Variants in TCF7L2 observed in about 807,000 individuals in gnomAD.
TCF7L2 encodes transcription factor 7 like 2.
TCF7L2 carries 23 observed loss-of-function variants against 77.9 expected under a neutral mutation model. That is an observed-to-expected ratio of 0.30 (90% CI 0.21 to 0.42). The LOEUF is 0.42. TCF7L2 is among the 10% of genes least tolerant of loss of function. TCF7L2 has a pLI of 1.00. For missense variants in TCF7L2, 654 were observed against 793.1 expected (o/e 0.82, Z 2.11); for synonymous variants, 413 against 340.2 (o/e 1.21, Z -2.36).
At chr10:113,128,140 G>C (rs544688532) in intron 5 of TCF7L2, among the ~76,000 whole-genome samples, 1 of 152,216 alleles carries the variant, frequency 6.6e-6, no homozygotes, top group Non-Finnish European at 1.5e-5. Flanking sequence ...TGTCAAAGTG[G>C]AGGCTCATTG....
intron 5 of TCF7L2, among the ~76,000 whole-genome samples, chr10:113,087,602 G>A (rs1204307569): frequency 6.6e-6 from 1 of 152,144 alleles, no homozygotes; most frequent in Non-Finnish European, 1.5e-5. Flanking sequence ...ATGCAGAGTG[G>A]GAGGCTCTGC....
At chr10:112,978,807 A>G (rs1280700628) in intron 4 of TCF7L2, among the ~76,000 whole-genome samples, 1 of 151,870 alleles carries the variant, frequency 6.6e-6, no homozygotes, top group Non-Finnish European at 1.5e-5. Flanking sequence ...ATAATAATAT[A>G]TGATTCCACT....
intron 8 of TCF7L2, among the ~76,000 whole-genome samples, chr10:113,147,090 T>A (rs1309109024): frequency 6.6e-6 from 1 of 152,240 alleles, no homozygotes; most frequent in East Asian, 1.9e-4. Flanking sequence ...AGTCGCTAAT[T>A]GTTTCTAATG....
intron 13 of TCF7L2, among the ~76,000 whole-genome samples, chr10:113,161,886 G>A (rs2073220684): frequency 6.6e-6 from 1 of 152,176 alleles, no homozygotes; most frequent in African/African-American, 2.4e-5. Context: ...CCCTCTGCCT[G>A]TGGAATGAGG....
intron 5 of TCF7L2, chr10:113,126,994 C>T (rs1306646770): frequency 1.1e-5 from 10 of 910,256 alleles, no homozygotes; most frequent in Non-Finnish European, 1.2e-5. Flanking sequence ...TGCATGCTCT[C>T]AGCCTTTGCC....
intron 4 of TCF7L2, among the ~76,000 whole-genome samples, chr10:112,992,705 G>A (rs1404692937): frequency 2.0e-5 from 3 of 151,980 alleles, no homozygotes; most frequent in African/African-American, 7.2e-5. Flanking sequence ...CTGAGGACTG[G>A]ACCTCCAAGC....
chr10:113,075,535 A>G (rs2058599964), intron 5 of TCF7L2, among the ~76,000 whole-genome samples: 1 of 152,092 alleles, frequency 6.6e-6, no homozygotes. Context: ...ATTTTTTTTA[A>G]TGTTGCCAAT....
intron 8 of TCF7L2, among the ~76,000 whole-genome samples, chr10:113,147,738 T>G (rs1229791652): frequency 6.6e-6 from 1 of 152,116 alleles, no homozygotes; most frequent in Non-Finnish European, 1.5e-5. Context: ...ATTTTTCATG[T>G]TTGTTTATTT....
chr10:113,045,755 T>C (rs1198476131), intron 5 of TCF7L2, among the ~76,000 whole-genome samples: 1 of 152,234 alleles, frequency 6.6e-6, no homozygotes, highest in Non-Finnish European at 1.5e-5. Flanking sequence ...CTTTCTCTAC[T>C]GCATATATAC....
At chr10:112,969,390 T>C (rs2037730581) in intron 4 of TCF7L2, among the ~76,000 whole-genome samples, 1 of 152,234 alleles carries the variant, frequency 6.6e-6, no homozygotes, top group Non-Finnish European at 1.5e-5. Context: ...TCCTACGTTG[T>C]TGGATATTTG....
intron 5 of TCF7L2, among the ~76,000 whole-genome samples, chr10:113,073,843 T>G (rs2058385912): frequency 6.6e-6 from 1 of 152,234 alleles, no homozygotes; most frequent in Non-Finnish European, 1.5e-5. Context: ...CCGCCCATCC[T>G]TGCGGCCTGG....
chr10:113,155,711 T>C (rs1437048442), intron 11 of TCF7L2, among the ~76,000 whole-genome samples: 1 of 152,194 alleles, frequency 6.6e-6, no homozygotes, highest in Non-Finnish European at 1.5e-5. Flanking sequence ...GTTAAAACAT[T>C]TCTGTGCCCA....
intron 5 of TCF7L2, among the ~76,000 whole-genome samples, chr10:113,091,101 C>T (rs145019054): frequency 0.012 from 1,753 of 152,138 alleles, 33 homozygotes; most frequent in African/African-American, 0.039. Flanking sequence ...AGGGTTTTGC[C>T]ATGTTGGTCA....
intron 5 of TCF7L2, among the ~76,000 whole-genome samples, chr10:113,102,401 C>G (rs2135925525): frequency 6.6e-6 from 1 of 150,836 alleles, no homozygotes; most frequent in South Asian, 2.1e-4. Context: ...TGGCAAACAT[C>G]TGTTTTTTGT....
intron 5 of TCF7L2, chr10:113,125,979 C>T (rs573932314): frequency 6.6e-6 from 1 of 152,260 alleles, no homozygotes; most frequent in African/African-American, 2.4e-5. Context: ...TCTTTTTGAT[C>T]TTTTCAATTA....
At chr10:113,090,785 T>G (rs539890474) in intron 5 of TCF7L2, among the ~76,000 whole-genome samples, 1 of 152,200 alleles carries the variant, frequency 6.6e-6, no homozygotes, top group Non-Finnish European at 1.5e-5. Flanking sequence ...ATTTTTTGTA[T>G]TTTTAGTAAA....
intron 4 of TCF7L2, among the ~76,000 whole-genome samples, chr10:112,971,306 T>C (rs1052812699): frequency 6.6e-6 from 1 of 152,162 alleles, no homozygotes; most frequent in East Asian, 1.9e-4. Context: ...TTTCTTTTAT[T>C]TTTTTTGAGA....
intron 5 of TCF7L2, among the ~76,000 whole-genome samples, chr10:113,118,882 T>A (rs942557429): frequency 2.0e-5 from 3 of 152,178 alleles, no homozygotes. Flanking sequence ...ATGATAAATT[T>A]AATTTTCTTT....
intron 4 of TCF7L2, among the ~76,000 whole-genome samples, chr10:113,024,268 A>G (rs193184709): frequency 1.8e-4 from 28 of 152,168 alleles, no homozygotes; most frequent in Non-Finnish European, 1.0e-4. Flanking sequence ...ACTGCACTCC[A>G]TCCAGCCTGG....
Sources: gnomAD v4.1 joint callset for allele counts (sites outside exome capture counted in the v4.1 genomes callset) on GRCh38, gnomAD v4.1.1 for gene constraint, MANE v1.5 for transcripts, NCBI Gene and HGNC (gene_info 2026-07-23, HGNC 2026-07-21) for gene names.